The following ELAVL2 variants were observed in gnomAD, a reference collection of about 807,000 sequenced individuals.
ELAVL2 encodes the protein ELAV-like protein 2.
A neutral mutation model predicts 34.6 loss-of-function variants in ELAVL2; 4 were observed. The observed-to-expected ratio is 0.12, with a 90% CI of 0.06 to 0.26. The LOEUF (loss-of-function observed/expected upper bound fraction) is 0.26, where lower values mean the gene tolerates loss of function less well. ELAVL2 is among the 10% of genes least tolerant of loss of function. ELAVL2 has a pLI of 1.00. For missense variants in ELAVL2, 432 were observed against 442.8 expected, an observed-to-expected ratio of 0.98 and a Z score of 0.22; for synonymous variants, 193 against 154.8, an observed-to-expected ratio of 1.25 and a Z score of -1.83.
In ELAVL2 at chr9:23,752,721, C is replaced by A. The variant is rs555729880; in HGVS notation, c.229+9285G>T. Among the ~76,000 whole-genome samples the A allele has an allele frequency of 1.3e-3, 196 of 152,266 alleles. 2 individuals carry two copies. The highest frequency in any genetic ancestry group is 2.3e-3 in the Non-Finnish European group (158 of 68,016). On this transcript the variant is annotated intron_variant, in intron 2 of 6. Transcript: ENST00000397312. ...CTGCCCACCTTGGCCTCCCAAAGTG[C>A]TGGAATTACAGGCATGAGCCACCAT... is the stretch of plus-strand genomic sequence containing the variant.
At chr9:23,801,918 G>A (rs2061611467) in intron 1 of ELAVL2, among the ~76,000 whole-genome samples, 1 of 152,074 alleles carries the variant, frequency 6.6e-6, no homozygotes, top group African/African-American at 2.4e-5. Context: ...ATTGACAATG[G>A]TGGTTTTAGA....
chr9:23,768,661 T>C (rs1191592392), intron 1 of ELAVL2, among the ~76,000 whole-genome samples: 1 of 152,088 alleles, frequency 6.6e-6, no homozygotes. Context: ...CCATCTACCT[T>C]TGTGAAAAGT....
intron 2 of ELAVL2, among the ~76,000 whole-genome samples, chr9:23,758,364 A>C (rs534305169): frequency 6.6e-6 from 1 of 152,118 alleles, no homozygotes; most frequent in Non-Finnish European, 1.5e-5. Flanking sequence ...ATTTTACTCA[A>C]TAGAAGTATT....
In ELAVL2 at chr9:23,762,181, T is replaced by G. The variant is rs1362156901; in HGVS notation, c.54A>C (p.Pro18=). ...ACGAACAGTTGTTGTTTATGGTGGTTGGACCATTGGCTGTGTTATTGCAAG... is the reference window on the plus strand; with the variant it reads ...ACGAACAGTTGTTGTTTATGGTGGTGGGACCATTGGCTGTGTTATTGCAAG... ...GPTCNNTANG[P]TTINNNCSSP... is the part of the protein sequence containing the mutation. Residue 18 remains proline (P), a synonymous_variant, in exon 2 of 7, where the codon CCA becomes CCC. Coordinates refer to ENST00000397312, the MANE Select transcript of ELAVL2 (RefSeq NM_004432.5). The G allele has an allele frequency of 1.2e-6, 2 of 1,613,514 alleles. No individual in the cohort carries two copies. Among genetic ancestry groups the G allele is most frequent in the African/African-American group, 1.3e-5 (1 of 74,872 alleles).
At chr9:23,774,075 G>T (rs1025434206) in intron 1 of ELAVL2, among the ~76,000 whole-genome samples, 1 of 151,736 alleles carries the variant, frequency 6.6e-6, no homozygotes, top group Non-Finnish European at 1.5e-5. Context: ...GCCGGACTTG[G>T]TGGCGGGCGC....
intron 2 of ELAVL2, among the ~76,000 whole-genome samples, chr9:23,734,599 C>T (rs568704163): frequency 2.6e-5 from 4 of 152,274 alleles, no homozygotes; most frequent in African/African-American, 9.6e-5. Flanking sequence ...ATAACGTAAC[C>T]AGGCACTTCT....
At position 23,787,414 on chromosome 9, in the gene ELAVL2, T is replaced by C. The variant is rs1179663459; in HGVS notation, c.-15-25165A>G. ...GCCCAGCTAATTTTTCTATTTTTAA[T>C]AGAGATGGGTTTCCACCATGTTGGC... On this transcript the variant is annotated intron_variant, in intron 1 of 6. Transcript: ENST00000397312. 3.3e-5 allele frequency among the ~76,000 whole-genome samples: 5 copies of C among 151,882 alleles called. 1 individual carries two copies. Among genetic ancestry groups the C allele is most frequent in the African/African-American group, 1.2e-4 (5 of 41,350 alleles).
At chr9:23,778,750 A>G (rs963925501) in intron 1 of ELAVL2, among the ~76,000 whole-genome samples, 3 of 152,198 alleles carry the variant, frequency 2.0e-5, no homozygotes, top group East Asian at 1.9e-4. Flanking sequence ...AGACCTAATC[A>G]TCTGTGAAAA....
Position 23,690,879 on chromosome 9 carries a change from T to A in ELAVL2, c.*1678A>T, listed in dbSNP as rs1446279802. 4 of 152,584 alleles carry A rather than the reference T, an allele frequency of 2.6e-5. No individual in the cohort carries two copies. Among genetic ancestry groups the A allele is most frequent in the Non-Finnish European group, 4.4e-5 (3 of 67,998 alleles). 9.5% of individuals were successfully genotyped at this position (152,584 alleles called of 1,614,324 possible). ...TTTGTATTTTTTAAAATTTCTTTCA[T>A]ACATGGTAAAGACTTATTTTATTAT... On this transcript the variant is annotated 3_prime_UTR_variant, in exon 7 of 7. Coordinates refer to ENST00000397312, the MANE Select transcript of ELAVL2 (RefSeq NM_004432.5).
chr9:23,793,983 C>T (rs944802533), intron 1 of ELAVL2, among the ~76,000 whole-genome samples: 2 of 152,144 alleles, frequency 1.3e-5, no homozygotes, highest in Non-Finnish European at 2.9e-5. Context: ...TTTGTAAGGC[C>T]CCATCAATGA....
At chr9:23,763,254 C>A in intron 1 of ELAVL2, among the ~76,000 whole-genome samples, 1 of 152,076 alleles carries the variant, frequency 6.6e-6, no homozygotes, top group East Asian at 1.9e-4. Context: ...TCAAACTGTT[C>A]AGGCTACTCT....
chr9:23,733,176 A>G (rs1429111133), intron 2 of ELAVL2, among the ~76,000 whole-genome samples: 2 of 150,876 alleles, frequency 1.3e-5, no homozygotes, highest in African/African-American at 4.9e-5. Context: ...AAAGCTTAAA[A>G]AAAAAAAAAA....
At chr9:23,737,625 G>A (rs529689688) in intron 2 of ELAVL2, among the ~76,000 whole-genome samples, 29 of 152,280 alleles carry the variant, frequency 1.9e-4, no homozygotes, top group African/African-American at 7.0e-4. Flanking sequence ...CAAATAAAAT[G>A]CAGAGTGAAT....
At chr9:23,770,096 G>A (rs907109295) in intron 1 of ELAVL2, among the ~76,000 whole-genome samples, 3 of 152,312 alleles carry the variant, frequency 2.0e-5, no homozygotes, top group African/African-American at 7.2e-5. Context: ...AGAGTCCTGA[G>A]GTACAGCAAT....
At chr9:23,824,925 T>C (rs941867729) in intron 1 of ELAVL2, among the ~76,000 whole-genome samples, 1 of 151,538 alleles carries the variant, frequency 6.6e-6, no homozygotes, top group Non-Finnish European at 1.5e-5. Context: ...TGCAGAGGGG[T>C]TCCCCCTCTC....
intron 3 of ELAVL2, among the ~76,000 whole-genome samples, chr9:23,717,363 A>G (rs1313321693): frequency 6.6e-6 from 1 of 152,174 alleles, no homozygotes; most frequent in Non-Finnish European, 1.5e-5. Context: ...ATCCACCCAA[A>G]ATTCATTCCT....
chr9:23,721,679 G>T lies in ELAVL2; in HGVS notation c.333+9343C>A, dbSNP rs144207651. Among the ~76,000 whole-genome samples the T allele has an allele frequency of 8.5e-5, 13 of 152,222 alleles. 1 individual carries two copies. In the East Asian group the frequency reaches 2.5e-3, roughly 29 times the overall value. The stretch of plus-strand genomic sequence containing the variant: ...TGGGTGCACTTAATATGGGATTTTA[G>T]ACCAACCCCTCCCTCTTCCTCTGCC... On this transcript the variant is annotated intron_variant, in intron 3 of 6. Transcript: ENST00000397312.
chr9:23,714,868 A>G (rs1481429653), intron 3 of ELAVL2, among the ~76,000 whole-genome samples: 1 of 152,110 alleles, frequency 6.6e-6, no homozygotes, highest in African/African-American at 2.4e-5. Flanking sequence ...CACTTTAGAC[A>G]TTTTCATTAA....
intron 5 of ELAVL2, among the ~76,000 whole-genome samples, chr9:23,694,870 G>A (rs2034556698): frequency 1.3e-5 from 2 of 151,586 alleles, no homozygotes; most frequent in South Asian, 4.2e-4. Context: ...TGTGTGCGTG[G>A]TGCGTGTGTG....
Sources: allele counts gnomAD v4.1 joint callset (sites outside exome capture counted in the v4.1 genomes callset), GRCh38; gene constraint gnomAD v4.1.1; transcripts MANE v1.5; gene names NCBI Gene and HGNC (gene_info 2026-07-23, HGNC 2026-07-21).